The following ELP4 variants were observed in gnomAD, a reference collection of about 807,000 sequenced individuals.
ELP4 encodes the protein elongator complex protein 4.
Under a neutral mutation model 48.9 loss-of-function variants are expected in ELP4, and 51 were observed. The ratio of observed to expected loss-of-function variants is 1.04; its 90% CI spans 0.83 to 1.32. ELP4 has a LOEUF of 1.32. Ranked by LOEUF, ELP4 falls within the 40% of genes most tolerant of loss-of-function variation. The probability of loss-of-function intolerance (pLI) is 0.00; values close to 1 mark genes in which losing one functional copy is unlikely to be tolerated. For synonymous variants in ELP4, 210 were observed against 189.2 expected (o/e 1.11, Z -0.90); for missense variants, 519 against 514.6 (o/e 1.01, Z -0.08).
rs943221001 is a variant in ELP4, at chr11:31,737,345, C to T, written c.1144-46048C>T. ...GGGTAGGGGGAGTGGGGAGGGATAGCATTAGGAGATATACCTAATGCTAAA... is the reference window on the plus strand; with the variant it reads ...GGGTAGGGGGAGTGGGGAGGGATAGTATTAGGAGATATACCTAATGCTAAA... On this transcript the variant is annotated intron_variant, in intron 9 of 9. Transcript: ENST00000640961. Among the ~76,000 whole-genome samples the T allele has an allele frequency of 2.0e-5, 3 of 152,002 alleles. 1 individual carries two copies. Among genetic ancestry groups the T allele is most frequent in the South Asian group, 4.2e-4 (2 of 4,818 alleles).
chr11:31,557,058 A>T (rs1956942305), intron 3 of ELP4, among the ~76,000 whole-genome samples: 1 of 151,934 alleles, frequency 6.6e-6, no homozygotes, highest in Non-Finnish European at 1.5e-5. Context: ...GAGAATAAAG[A>T]GTTCATTAAA....
rs182363098 is a variant in ELP4, at chr11:31,543,896, A to G, written c.381+4113A>G. 5.1e-3 allele frequency among the ~76,000 whole-genome samples: 771 copies of G among 151,870 alleles called. 13 individuals carry two copies. Among genetic ancestry groups the G allele is most frequent in the Middle Eastern group, 6.8e-3 (2 of 294 alleles). On this transcript the variant is annotated intron_variant, in intron 3 of 9. Transcript: ENST00000640961. The stretch of plus-strand genomic sequence containing the variant: ...GTGGTTTTTTATGAAAACAAAATAA[A>G]GACTTTCTCAAATGCTAAAATCAAA...
chr11:31,686,643 G>C (rs1946167900), intron 9 of ELP4, among the ~76,000 whole-genome samples: 1 of 152,082 alleles, frequency 6.6e-6, no homozygotes, highest in Admixed American at 6.6e-5. Flanking sequence ...CACTTGGGGA[G>C]GCCATGGCAG....
chr11:31,587,612 C>T (rs1249746924), intron 3 of ELP4, among the ~76,000 whole-genome samples: 1 of 151,762 alleles, frequency 6.6e-6, no homozygotes, highest in African/African-American at 2.4e-5. Context: ...TTAGTTCTTT[C>T]CATTTTACTT....
intron 9 of ELP4, among the ~76,000 whole-genome samples, chr11:31,710,335 G>A (rs1315430858): frequency 6.6e-6 from 1 of 152,118 alleles, no homozygotes; most frequent in Non-Finnish European, 1.5e-5. Flanking sequence ...TCATAGATAT[G>A]AAATAAGGGC....
chr11:31,663,875 C>T (rs967172746), intron 9 of ELP4: 4 of 152,036 alleles, frequency 2.6e-5, no homozygotes, highest in Middle Eastern at 3.4e-3. Flanking sequence ...TTAATAACTG[C>T]TTTTATTTAA....
At chr11:31,684,168 A>G (rs947325507) in intron 9 of ELP4, among the ~76,000 whole-genome samples, 7 of 152,102 alleles carry the variant, frequency 4.6e-5, no homozygotes, top group South Asian at 2.1e-4. Flanking sequence ...AAATCCCAGC[A>G]TAAATTTTTG....
intron 5 of ELP4, among the ~76,000 whole-genome samples, chr11:31,618,057 A>C (rs571766586): frequency 6.6e-6 from 1 of 152,210 alleles, no homozygotes; most frequent in Non-Finnish European, 1.5e-5. Context: ...TATTCATAAT[A>C]GCTCACAAGT....
intron 3 of ELP4, among the ~76,000 whole-genome samples, chr11:31,577,167 A>T (rs1957298932): frequency 1.3e-5 from 2 of 152,234 alleles, no homozygotes; most frequent in African/African-American, 2.4e-5. Context: ...CTCTACGCAA[A>T]TAAACTAGAA....
chr11:31,626,154 A>G (rs971363343), intron 5 of ELP4, among the ~76,000 whole-genome samples: 4 of 151,868 alleles, frequency 2.6e-5, no homozygotes, highest in African/African-American at 7.2e-5. Context: ...GCAGTCTGCT[A>G]TGTTTCCTAA....
chr11:31,521,097 A>C (rs867430687), intron 2 of ELP4, among the ~76,000 whole-genome samples: 1 of 152,132 alleles, frequency 6.6e-6, no homozygotes, highest in Non-Finnish European at 1.5e-5. Flanking sequence ...CCCAAGAGTG[A>C]GTAAAATACA....
chr11:31,567,569 G>A (rs80001711), intron 3 of ELP4, among the ~76,000 whole-genome samples: 9,357 of 152,204 alleles, frequency 0.061, 362 homozygotes, highest in East Asian at 0.18. Context: ...AGATGGTAAT[G>A]TGAAGAAAAA....
At chr11:31,523,668 G>A (rs1231491619) in intron 2 of ELP4, among the ~76,000 whole-genome samples, 1 of 151,186 alleles carries the variant, frequency 6.6e-6, no homozygotes, top group Non-Finnish European at 1.5e-5. Flanking sequence ...AAGAACTAAG[G>A]GACCCCACTG....
intron 3 of ELP4, among the ~76,000 whole-genome samples, chr11:31,590,161 A>G (rs760268137): frequency 2.6e-5 from 4 of 152,220 alleles, no homozygotes; most frequent in South Asian, 2.1e-4. Flanking sequence ...CAATAATAAT[A>G]GTACCTACCT....
chr11:31,706,129 A>T (rs1399014179), intron 9 of ELP4, among the ~76,000 whole-genome samples: 2 of 152,182 alleles, frequency 1.3e-5, no homozygotes, highest in Non-Finnish European at 2.9e-5. Flanking sequence ...TTTTAAATTG[A>T]CATATAATAA....
intron 9 of ELP4, among the ~76,000 whole-genome samples, chr11:31,739,702 A>G (rs1240824604): frequency 1.3e-5 from 2 of 152,182 alleles, no homozygotes; most frequent in Non-Finnish European, 2.9e-5. Flanking sequence ...ACCAATAAGT[A>G]GTGATATTCA....
intron 7 of ELP4, among the ~76,000 whole-genome samples, chr11:31,636,646 G>GA (rs879496527): frequency 2.1e-4 from 32 of 151,898 alleles, no homozygotes; most frequent in Non-Finnish European, 4.0e-4. Flanking sequence ...TTAACTTATT[G>GA]TTATAATAAG....
At chr11:31,559,658 C>G (rs1956983331) in intron 3 of ELP4, among the ~76,000 whole-genome samples, 1 of 152,090 alleles carries the variant, frequency 6.6e-6, no homozygotes, top group African/African-American at 2.4e-5. Flanking sequence ...AATCCTAGCA[C>G]TTTGGGAGGC....
chr11:31,744,332 A>G (rs1163135715), intron 9 of ELP4, among the ~76,000 whole-genome samples: 1 of 152,210 alleles, frequency 6.6e-6, no homozygotes, highest in Admixed American at 6.5e-5. Flanking sequence ...AGCTGGTACT[A>G]TTCCTTCTGA....
Sources: allele counts gnomAD v4.1 joint callset (sites outside exome capture counted in the v4.1 genomes callset), GRCh38; gene constraint gnomAD v4.1.1; transcripts MANE v1.5; gene names NCBI Gene and HGNC (gene_info 2026-07-23, HGNC 2026-07-21).